Variants in PGAP6 observed in about 807,000 individuals in gnomAD.
PGAP6 encodes the protein post-GPI attachment to proteins 6.
PGAP6 carries 62 observed loss-of-function variants against 68.4 expected under a neutral mutation model. That is an observed-to-expected ratio of 0.91 (90% CI 0.74 to 1.12). The LOEUF (loss-of-function observed/expected upper bound fraction) is 1.12. PGAP6 is among the 50% of genes most tolerant of loss of function. The probability of loss-of-function intolerance (pLI) is 0.00; values close to 1 mark genes in which losing one functional copy is unlikely to be tolerated. For synonymous variants in PGAP6, 575 were observed against 474.0 expected (o/e 1.21, Z -2.77); for missense variants, 1,188 against 1,068.5 (o/e 1.11, Z -1.56).
chr16:378,149 C>T (rs1211742818), intron 1 of PGAP6, among the ~76,000 whole-genome samples: 5 of 150,598 alleles, frequency 3.3e-5, no homozygotes. Flanking sequence ...GCCATCGCCA[C>T]CCTGACTGCC....
At chr16:381,447 G>T (rs1469795193) in intron 1 of PGAP6, among the ~76,000 whole-genome samples, 1 of 152,078 alleles carries the variant, frequency 6.6e-6, no homozygotes, top group African/African-American at 2.4e-5. Flanking sequence ...GGAGGGAGGG[G>T]AGGGGGCGCT....
At position 372,233 on chromosome 16, in the gene PGAP6, G is replaced by A; in HGVS notation, c.2070C>T (p.Arg690=). The A allele has an allele frequency of 6.2e-7, 1 of 1,612,344 alleles. No individual in the cohort carries two copies. Among genetic ancestry groups the A allele is most frequent in the Non-Finnish European group, 8.5e-7 (1 of 1,179,920 alleles). The part of the protein sequence containing the change: ...RRQCYPTSWQ[R]WAFYLLPGVS... ...CGCCGGGCAGGAGGTAGAAGGCCCAGCGCTGCCACGAGGTGGGGTAGCACT... is the reference window on the plus strand; with the variant it reads ...CGCCGGGCAGGAGGTAGAAGGCCCAACGCTGCCACGAGGTGGGGTAGCACT... Residue 690 remains arginine, a synonymous_variant, in exon 13 of 13, where the codon CGC becomes CGT. Transcript: ENST00000431232.
chr16:374,692 C>A lies in PGAP6; in HGVS notation c.1576+64G>T, dbSNP rs1038604156. 1.3e-5 allele frequency: 20 copies of A among 1,594,712 alleles called. No individual in the cohort carries two copies. In the Admixed American group the frequency reaches 2.7e-4, roughly 22 times the overall value. Reference sequence around the variant, plus strand: ...TTGCGGCGCTCCCCCAGGGGAAAGGCACAGCACAGCACTGGAAGCCAACAG... The same window carrying A: ...TTGCGGCGCTCCCCCAGGGGAAAGGAACAGCACAGCACTGGAAGCCAACAG... On this transcript the variant is annotated intron_variant, in intron 9 of 12. Coordinates refer to ENST00000431232, the MANE Select transcript of PGAP6 (RefSeq NM_021259.3).
At chr16:372,877 T>C in intron 11 of PGAP6, 150 bp from the exon 12 acceptor site, 1 of 610,930 alleles carries the variant, frequency 1.6e-6, no homozygotes, top group South Asian at 1.9e-5. Flanking sequence ...TCTGACTAGC[T>C]CTGCCAGCCG....
Position 373,987 on chromosome 16 carries a change from A to C in PGAP6, c.1902+18T>G. ...CCTGCTCCCCCGGAGCCCACACCCCACGTCGAGGGCCACTCACGTATTTCA... is the reference window on the plus strand; with the variant it reads ...CCTGCTCCCCCGGAGCCCACACCCCCCGTCGAGGGCCACTCACGTATTTCA... On this transcript the variant is annotated intron_variant, in intron 11 of 12. Coordinates refer to ENST00000431232, the MANE Select transcript of PGAP6 (RefSeq NM_021259.3). 1 of 1,592,192 alleles carries C rather than the reference A, an allele frequency of 6.3e-7. No individual in the cohort carries two copies. Among genetic ancestry groups the C allele is most frequent in the Non-Finnish European group, 8.5e-7 (1 of 1,169,674 alleles).
chr16:385,694 G>A (rs2054479715), upstream of PGAP6, among the ~76,000 whole-genome samples: 1 of 123,568 alleles, frequency 8.1e-6, no homozygotes, highest in East Asian at 2.4e-4. Context: ...GCGCGATCCT[G>A]GCTCACTGCA....
At chr16:383,901 G>C (rs979263536), upstream of PGAP6, among the ~76,000 whole-genome samples, 6 of 152,222 alleles carry the variant, frequency 3.9e-5, no homozygotes, top group African/African-American at 1.4e-4. Flanking sequence ...CTGAAGGCCA[G>C]AGCAGCGGAG....
chr16:379,535 C>T (rs2054420848), intron 1 of PGAP6, among the ~76,000 whole-genome samples: 1 of 152,228 alleles, frequency 6.6e-6, no homozygotes, highest in African/African-American at 2.4e-5. Flanking sequence ...GGACAGCCCC[C>T]CAGGACCACG....
chr16:378,261 C>G (rs1158695121), intron 1 of PGAP6, among the ~76,000 whole-genome samples: 14 of 114,104 alleles, frequency 1.2e-4, no homozygotes, highest in South Asian at 3.9e-4. Context: ...TCCCCACCCG[C>G]ACTGCCATCC....
At chr16:380,538 G>T (rs2141766387) in intron 1 of PGAP6, among the ~76,000 whole-genome samples, 1 of 152,126 alleles carries the variant, frequency 6.6e-6, no homozygotes, top group East Asian at 1.9e-4. Flanking sequence ...GGCTAATTTT[G>T]TATTCTTAGT....
At chr16:378,245 C>A (rs1462459703) in intron 1 of PGAP6, among the ~76,000 whole-genome samples, 3 of 126,806 alleles carry the variant, frequency 2.4e-5, no homozygotes, top group South Asian at 2.7e-4. Context: ...GCCACCCGCA[C>A]TGCCATCCCC....
In PGAP6 at chr16:377,453, G is replaced by C. The variant is rs186822709; in HGVS notation, c.432C>G (p.Asn144Lys). Residue 144 changes from asparagine to lysine, a missense_variant, in exon 3 of 13, where the codon AAC becomes AAG. Asn to Lys is a moderately conservative substitution (Grantham distance 94). Coordinates refer to ENST00000431232, the MANE Select transcript of PGAP6 (RefSeq NM_021259.3). ...AGTCCCCGGGGGCCGGGTGGGAAAC[G>C]TTGACGGAGGCATTGCTTCTCGGTG... The part of the protein sequence containing the change: ...STTPRSNASV[N>K]VSHPAPGDWF... 1.5e-4 allele frequency: 240 copies of C among 1,610,896 alleles called. No homozygotes were observed. The highest frequency in any genetic ancestry group is 2.0e-4 in the Non-Finnish European group (235 of 1,179,136).
upstream of PGAP6, among the ~76,000 whole-genome samples, chr16:382,805 C>G (rs1033607850): frequency 1.1e-4 from 17 of 152,228 alleles, no homozygotes; most frequent in African/African-American, 3.9e-4. Context: ...AAAAGACGAG[C>G]CCCCGACTGG....
At chr16:383,605 G>C (rs2054462879), upstream of PGAP6, among the ~76,000 whole-genome samples, 1 of 152,262 alleles carries the variant, frequency 6.6e-6, no homozygotes, top group Non-Finnish European at 1.5e-5. Context: ...TGGTCCACCA[G>C]GTGCAGCAGT....
In PGAP6 at chr16:374,216, C is replaced by G. The variant is rs183893170; in HGVS notation, c.1755+5G>C. 1 of 1,609,932 alleles carries G rather than the reference C, an allele frequency of 6.2e-7. No individual in the cohort carries two copies. Among genetic ancestry groups the G allele is most frequent in the African/African-American group, 1.3e-5 (1 of 74,898 alleles). On this transcript the variant is annotated splice_donor_5th_base_variant and intron_variant, in intron 10 of 12. Transcript: ENST00000431232. The stretch of plus-strand genomic sequence containing the variant: ...CCCACATCCCTGCAGGAGGGGCCAG[C>G]CTACCGTGGAGAAGAACATGGTGTA...
chr16:377,383 A>G lies in PGAP6; in HGVS notation c.502T>C (p.Leu168=), dbSNP rs773840909. Residue 168 remains leucine (L), a synonymous_variant, in exon 3 of 13, where the codon TTG becomes CTG. Coordinates refer to ENST00000431232, the MANE Select transcript of PGAP6 (RefSeq NM_021259.3). ...CGGAGGGCAGCCCCCCTCACCTTCA[A>G]CTCGATCTTCTGGGATGAGGGGGGC... ...HLPPSSQKIE[L]KGLAPTCAYV... 1.9e-6 allele frequency: 3 copies of G among 1,592,534 alleles called. No homozygotes were observed. Among genetic ancestry groups the G allele is most frequent in the South Asian group, 2.2e-5 (2 of 89,222 alleles).
In PGAP6 at chr16:374,059, C is replaced by T. The variant is rs762002563; in HGVS notation, c.1848G>A (p.Ala616=). The T allele has an allele frequency of 8.7e-6, 14 of 1,611,886 alleles. No homozygotes were observed. The highest frequency in any genetic ancestry group is 5.5e-5 in the South Asian group (5 of 91,084). The change falls in exon 11 of 13, where the codon GCG becomes GCA. Residue 616 remains alanine, a synonymous_variant. Coordinates refer to ENST00000431232, the MANE Select transcript of PGAP6 (RefSeq NM_021259.3). ...TGCACAGGATGGTGACCCAGATGGCCGCCCCGGAGCCCAAGAAGTCGCAGT... is the reference window on the plus strand; with the variant it reads ...TGCACAGGATGGTGACCCAGATGGCTGCCCCGGAGCCCAAGAAGTCGCAGT... The part of the protein sequence containing the change: ...LQYCDFLGSG[A]AIWVTILCMA...
At chr16:375,732 G>T (rs1343097497) in intron 6 of PGAP6, among the ~76,000 whole-genome samples, 1 of 151,836 alleles carries the variant, frequency 6.6e-6, no homozygotes, top group African/African-American at 2.4e-5. Flanking sequence ...GGGTTTCACC[G>T]TGTTAGCCAG....
In PGAP6 at chr16:374,375, T is replaced by C; in HGVS notation, c.1601A>G (p.Asp534Gly). Residue 534 changes from aspartate (D) to glycine (G), a missense_variant, in exon 10 of 13, where the codon GAC (aspartate) becomes GGC (glycine). Physicochemically the swap from Asp to Gly is moderately conservative, Grantham distance 94 (BLOSUM62 -1). Coordinates refer to ENST00000431232, the MANE Select transcript of PGAP6 (RefSeq NM_021259.3). Reference sequence around the variant, plus strand: ...GGCCACCGTCTGGGCTGTGCTGTTGTCCGTGCAGCTCCACCCACGCCAGCC... The same window carrying C: ...GGCCACCGTCTGGGCTGTGCTGTTGCCCGTGCAGCTCCACCCACGCCAGCC... ...KAGWRGWSCT[D>G]NSTAQTVAQQ... is the part of the protein sequence containing the mutation. The C allele has an allele frequency of 1.3e-6, 2 of 1,584,240 alleles. No individual in the cohort carries two copies. The highest frequency in any genetic ancestry group is 1.7e-6 in the Non-Finnish European group (2 of 1,169,820).
Sources: gnomAD v4.1 joint callset for allele counts (sites outside exome capture counted in the v4.1 genomes callset) on GRCh38, gnomAD v4.1.1 for gene constraint, MANE v1.5 for transcripts, NCBI Gene and HGNC (gene_info 2026-07-23, HGNC 2026-07-21) for gene names.